The following ZHX2 variants were observed in gnomAD, a reference collection of about 807,000 sequenced individuals.
The protein encoded by ZHX2 is zinc fingers and homeoboxes 2.
ZHX2 carries 6 observed loss-of-function variants against 21.9 expected under a neutral mutation model. The observed-to-expected ratio is 0.27, with a 90% CI of 0.15 to 0.54. The LOEUF (loss-of-function observed/expected upper bound fraction) is 0.54. Among genes scored for constraint, ZHX2 ranks in the 20% least tolerant of loss-of-function variants. The pLI is 0.95. For missense variants in ZHX2, 908 were observed against 1,090.7 expected, an observed-to-expected ratio of 0.83 and a Z score of 2.36; for synonymous variants, 434 against 437.1, an observed-to-expected ratio of 0.99 and a Z score of 0.09.
intron 2 of ZHX2, among the ~76,000 whole-genome samples, chr8:122,887,781 G>A (rs1390864554): frequency 6.6e-6 from 1 of 152,094 alleles, no homozygotes; most frequent in Non-Finnish European, 1.5e-5. Flanking sequence ...GCTGAGAAAG[G>A]TTTTTCCAGG....
In ZHX2 at chr8:122,953,338, GCT is replaced by G; in HGVS notation, c.1831_1832del (p.Leu611ValfsTer60). 1 of 1,614,076 alleles carries G rather than the reference GCT, an allele frequency of 6.2e-7. No homozygotes were observed. The highest frequency in any genetic ancestry group is 8.5e-7 in the Non-Finnish European group (1 of 1,180,032). ...KGQDVGAPNG[A>X]LSRLDQLSGA... ...CCAAGATGTGGGAGCCCCCAATGGT[GCT>G]CTGTCTCGACTCGACCAGCTCTCCG... On this transcript the variant is annotated frameshift_variant, in exon 3 of 4. Transcript: ENST00000314393. LOFTEE classifies it low-confidence loss of function (END_TRUNC). This position sits in a 1 kb window ranked among gnomAD's most constrained non-coding sequence, Gnocchi z 4.6.
chr8:122,789,781 C>G (rs1034669429), intron 1 of ZHX2, among the ~76,000 whole-genome samples: 1 of 152,244 alleles, frequency 6.6e-6, no homozygotes, highest in African/African-American at 2.4e-5. Flanking sequence ...CCTCTAAGCT[C>G]TCCTAATAGA....
intron 1 of ZHX2, among the ~76,000 whole-genome samples, chr8:122,801,634 C>G (rs1367931332): frequency 6.6e-6 from 1 of 151,874 alleles, no homozygotes; most frequent in Non-Finnish European, 1.5e-5. Context: ...ACATATGGTC[C>G]CAGCTACTTG....
At chr8:122,915,878 G>A (rs1304233352) in intron 2 of ZHX2, among the ~76,000 whole-genome samples, 1 of 152,226 alleles carries the variant, frequency 6.6e-6, no homozygotes, top group Non-Finnish European at 1.5e-5. Flanking sequence ...TTGCAGGCAA[G>A]GAAAGAGGGT....
At chr8:122,939,315 C>G (rs951653071) in intron 2 of ZHX2, among the ~76,000 whole-genome samples, 8 of 152,200 alleles carry the variant, frequency 5.3e-5, no homozygotes, top group Admixed American at 5.2e-4. Context: ...CACTCAGGAG[C>G]CTGACTGAGC....
intron 2 of ZHX2, among the ~76,000 whole-genome samples, chr8:122,908,828 C>G (rs1248089473): frequency 6.6e-6 from 1 of 152,138 alleles, no homozygotes; most frequent in African/African-American, 2.4e-5. Flanking sequence ...GAAGGTGGTT[C>G]TTTTTCAAAA....
chr8:122,807,432 C>T (rs1817845492), intron 1 of ZHX2, among the ~76,000 whole-genome samples: 1 of 152,190 alleles, frequency 6.6e-6, no homozygotes, highest in Non-Finnish European at 1.5e-5. Flanking sequence ...ACAGTGTCAT[C>T]AGCGTTACAG....
intron 2 of ZHX2, among the ~76,000 whole-genome samples, chr8:122,877,636 A>G (rs1819601574): frequency 6.6e-6 from 1 of 152,188 alleles, no homozygotes; most frequent in African/African-American, 2.4e-5. Flanking sequence ...CAAAAAGCAC[A>G]CAAATGGTGG....
chr8:122,968,062 G>A (rs746590559), intron 3 of ZHX2, among the ~76,000 whole-genome samples: 17 of 152,152 alleles, frequency 1.1e-4, no homozygotes, highest in South Asian at 4.2e-4. Context: ...AAGGTAGCTC[G>A]TGCAAGTCTT....
chr8:122,914,603 C>T (rs775267931), intron 2 of ZHX2, among the ~76,000 whole-genome samples: 5 of 152,206 alleles, frequency 3.3e-5, no homozygotes, highest in Admixed American at 6.5e-5. Context: ...TTCCCAGATT[C>T]GCCACTTATC....
intron 2 of ZHX2, among the ~76,000 whole-genome samples, chr8:122,872,354 A>G (rs569289525): frequency 6.6e-6 from 1 of 152,308 alleles, no homozygotes; most frequent in South Asian, 2.1e-4. Context: ...CTCATGGACT[A>G]GATATGAAAA....
chr8:122,937,933 G>GTTTTTTTTTTTTTTTTTTT (rs71310636), intron 2 of ZHX2, among the ~76,000 whole-genome samples: 5 of 73,380 alleles, frequency 6.8e-5, no homozygotes, highest in Admixed American at 4.8e-4. Context: ...TTTCTTTTTG[G>GTTTTTTTTTTTTTTTTTTT]TTTTTTTTTT....
chr8:122,845,210 T>C (rs1056631647), intron 1 of ZHX2, among the ~76,000 whole-genome samples: 16 of 152,202 alleles, frequency 1.1e-4, no homozygotes, highest in Admixed American at 8.5e-4. Context: ...AATGTTGTCG[T>C]GAGGATTAGC....
At chr8:122,956,968 G>A (rs899515792) in intron 3 of ZHX2, among the ~76,000 whole-genome samples, 4 of 152,206 alleles carry the variant, frequency 2.6e-5, no homozygotes, top group African/African-American at 9.7e-5. Flanking sequence ...AAAGAAGACA[G>A]TAATGAGGGA....
intron 1 of ZHX2, among the ~76,000 whole-genome samples, chr8:122,860,571 A>G (rs1245109918): frequency 6.6e-6 from 1 of 152,206 alleles, no homozygotes; most frequent in African/African-American, 2.4e-5. Flanking sequence ...TTAAAAATAC[A>G]TTAGTAACTT....
chr8:122,857,176 G>A (rs1819046506), intron 1 of ZHX2, among the ~76,000 whole-genome samples: 1 of 152,142 alleles, frequency 6.6e-6, no homozygotes, highest in Non-Finnish European at 1.5e-5. Flanking sequence ...ATTGCACAGT[G>A]CTTGAGTTAG....
At chr8:122,967,432 C>A (rs1286061217) in intron 3 of ZHX2, among the ~76,000 whole-genome samples, 1 of 152,148 alleles carries the variant, frequency 6.6e-6, no homozygotes, top group Non-Finnish European at 1.5e-5. Flanking sequence ...TGGGTCTAGC[C>A]ACCCAGTGGG....
At position 122,807,434 on chromosome 8, in the gene ZHX2, G is replaced by A. The variant is rs1817845634; in HGVS notation, c.-283+25488G>A. Reference sequence around the variant, plus strand: ...AAGAAAAGCAAAAACAGTGTCATCAGCGTTACAGGTAGAAATAGAAAAATA... The same window carrying A: ...AAGAAAAGCAAAAACAGTGTCATCAACGTTACAGGTAGAAATAGAAAAATA... On this transcript the variant is annotated intron_variant, in intron 1 of 3. Coordinates refer to ENST00000314393, the MANE Select transcript of ZHX2 (RefSeq NM_014943.5). Among the ~76,000 whole-genome samples the A allele has an allele frequency of 1.3e-5, 2 of 152,222 alleles. 1 individual carries two copies. Among genetic ancestry groups the A allele is most frequent in the South Asian group, 4.1e-4 (2 of 4,836 alleles).
chr8:122,934,344 A>G (rs1326070174), intron 2 of ZHX2, among the ~76,000 whole-genome samples: 1 of 152,204 alleles, frequency 6.6e-6, no homozygotes, highest in Non-Finnish European at 1.5e-5. Flanking sequence ...CCTGACCTTG[A>G]CATTGAGAAC....
Sources: gnomAD v4.1 joint callset for allele counts (sites outside exome capture counted in the v4.1 genomes callset) on GRCh38, gnomAD v4.1.1 for gene constraint, Gnocchi (gnomAD v3.1) non-coding constraint, MANE v1.5 for transcripts, NCBI Gene and HGNC (gene_info 2026-07-23, HGNC 2026-07-21) for gene names.